SYT16: variants seen among roughly 807,000 people sequenced by gnomAD.
The protein encoded by SYT16 is synaptotagmin 16.
SYT16 carries 42 observed loss-of-function variants against 61.4 expected under a neutral mutation model. The observed-to-expected ratio is 0.68, with a 90% CI of 0.53 to 0.89. The LOEUF (loss-of-function observed/expected upper bound fraction) is 0.89, where lower values mean the gene tolerates loss of function less well. SYT16 is among the 40% of genes least tolerant of loss of function. The pLI, the probability that SYT16 is intolerant of heterozygous loss-of-function variation, is 0.00. For missense variants in SYT16, 804 were observed against 807.3 expected, an observed-to-expected ratio of 1.00 and a Z score of 0.05; for synonymous variants, 314 against 302.3, an observed-to-expected ratio of 1.04 and a Z score of -0.40.
chr14:61,894,036 C>A (rs1311632024), intron 1 of SYT16, among the ~76,000 whole-genome samples: 1 of 152,216 alleles, frequency 6.6e-6, no homozygotes, highest in Non-Finnish European at 1.5e-5. Flanking sequence ...GTAATCCCAG[C>A]ACTTTGGGAG....
chr14:61,997,135 G>A (rs2052802877), intron 3 of SYT16, among the ~76,000 whole-genome samples: 1 of 152,014 alleles, frequency 6.6e-6, no homozygotes, highest in Non-Finnish European at 1.5e-5. Flanking sequence ...CACATATTGG[G>A]CCTTCAATAA....
Position 62,054,387 on chromosome 14 carries a change from G to T in SYT16, c.524-15216G>T, listed in dbSNP as rs1156606892. On this transcript the variant is annotated intron_variant, in intron 3 of 7. Coordinates refer to ENST00000683842, the MANE Select transcript of SYT16 (RefSeq NM_001367656.1). ...TTTTTTTTTTTTTTTTGGAGATAGG[G>T]TCTCACCCTGTCATCCAGGCTGGAG... 3.2e-5 allele frequency among the ~76,000 whole-genome samples: 4 copies of T among 125,842 alleles called. 1 individual carries two copies. Among genetic ancestry groups the T allele is most frequent in the South Asian group, 4.6e-4 (2 of 4,322 alleles). 82.6% of individuals were successfully genotyped at this position (125,842 alleles called of 152,430 possible). A position where few individuals can be genotyped will look rare whatever the true frequency, so the allele number is the denominator to read the frequency against.
At chr14:62,061,146 G>A (rs1049952882) in intron 3 of SYT16, among the ~76,000 whole-genome samples, 1 of 152,100 alleles carries the variant, frequency 6.6e-6, no homozygotes, top group Non-Finnish European at 1.5e-5. Context: ...ATAATGCAAC[G>A]TGTAAATTTT....
At chr14:61,861,492 C>G (rs1471017314) in intron 1 of SYT16, among the ~76,000 whole-genome samples, 1 of 152,154 alleles carries the variant, frequency 6.6e-6, no homozygotes, top group African/African-American at 2.4e-5. Flanking sequence ...TCACTACAGC[C>G]TTGATCTCTT....
At chr14:62,054,958 C>T (rs187672025) in intron 3 of SYT16, among the ~76,000 whole-genome samples, 4 of 152,226 alleles carry the variant, frequency 2.6e-5, no homozygotes, top group African/African-American at 9.6e-5. Flanking sequence ...TTACACATCC[C>T]AGGCCCTTCA....
At chr14:61,886,880 C>CTTTTTTTTTTTTTTTTTTTTTTTTTTTT (rs371140698) in intron 1 of SYT16, among the ~76,000 whole-genome samples, 3 of 110,830 alleles carry the variant, frequency 2.7e-5, no homozygotes, top group Non-Finnish European at 3.6e-5. Context: ...TTTTTTTTGT[C>CTTTTTTTTTTTTTTTTTTTTTTTTTTTT]TTTTTTTTTT....
chr14:61,906,064 T>A (rs1308146857), intron 1 of SYT16, among the ~76,000 whole-genome samples: 1 of 152,206 alleles, frequency 6.6e-6, no homozygotes, highest in African/African-American at 2.4e-5. Flanking sequence ...CATGGACTTC[T>A]CTTATGTTAA....
intron 1 of SYT16, among the ~76,000 whole-genome samples, chr14:61,901,937 T>A (rs1267678711): frequency 1.3e-5 from 2 of 151,996 alleles, no homozygotes; most frequent in Non-Finnish European, 2.9e-5. Flanking sequence ...AATTTTTATA[T>A]TTTTAGTAGA....
At chr14:62,047,306 G>A (rs368218114) in intron 3 of SYT16, among the ~76,000 whole-genome samples, 12 of 152,036 alleles carry the variant, frequency 7.9e-5, no homozygotes, top group African/African-American at 2.7e-4. Context: ...AATGCTTGTG[G>A]TTTTTGCACA....
At chr14:61,903,129 A>T (rs1289706370) in intron 1 of SYT16, among the ~76,000 whole-genome samples, 1 of 152,168 alleles carries the variant, frequency 6.6e-6, no homozygotes. Context: ...TCTTCTTATA[A>T]GGACATCAGT....
intron 2 of SYT16, among the ~76,000 whole-genome samples, chr14:61,987,235 C>G (rs746979680): frequency 6.6e-6 from 1 of 151,972 alleles, no homozygotes; most frequent in African/African-American, 2.4e-5. Flanking sequence ...GGAGCCTGAG[C>G]AACTAAAAGG....
At chr14:62,069,106 T>C (rs1252407349) in intron 3 of SYT16, among the ~76,000 whole-genome samples, 3 of 152,026 alleles carry the variant, frequency 2.0e-5, no homozygotes, top group African/African-American at 7.3e-5. Flanking sequence ...GGGTCTCTTT[T>C]CAAAACTAGA....
intron 2 of SYT16, among the ~76,000 whole-genome samples, chr14:61,991,650 G>A (rs1051742060): frequency 6.6e-6 from 1 of 152,050 alleles, no homozygotes; most frequent in Non-Finnish European, 1.5e-5. Flanking sequence ...TTAGAATATA[G>A]CAACTGGACA....
In SYT16 at chr14:62,096,029, C is replaced by A. The variant is rs138207084; in HGVS notation, c.1625-4365C>A. On this transcript the variant is annotated intron_variant, in intron 7 of 7. Coordinates refer to ENST00000683842, the MANE Select transcript of SYT16 (RefSeq NM_001367656.1). ...GATAATGGATTATTTAATGAATAATCCTTCCCATATACAAAATTTAGATCC... is the reference window on the plus strand; with the variant it reads ...GATAATGGATTATTTAATGAATAATACTTCCCATATACAAAATTTAGATCC... 2.2e-3 allele frequency among the ~76,000 whole-genome samples: 336 copies of A among 151,980 alleles called. 4 individuals carry two copies. Among genetic ancestry groups the A allele is most frequent in the African/African-American group, 7.8e-3 (322 of 41,502 alleles).
intron 3 of SYT16, among the ~76,000 whole-genome samples, chr14:62,067,608 T>C (rs1177240291): frequency 6.6e-6 from 1 of 152,182 alleles, no homozygotes; most frequent in African/African-American, 2.4e-5. Context: ...AGACATCGTG[T>C]GTTGGTGAGG....
intron 1 of SYT16, among the ~76,000 whole-genome samples, chr14:61,906,065 C>G (rs550186088): frequency 1.3e-5 from 2 of 152,152 alleles, no homozygotes; most frequent in African/African-American, 4.8e-5. Context: ...ATGGACTTCT[C>G]TTATGTTAAG....
At chr14:62,082,126 C>T (rs933878869) in intron 6 of SYT16, among the ~76,000 whole-genome samples, 4 of 152,020 alleles carry the variant, frequency 2.6e-5, no homozygotes, top group Non-Finnish European at 2.9e-5. Context: ...ATCGAGAGAG[C>T]GAGGCTGGTG....
chr14:62,106,617 T>C lies in SYT16; in HGVS notation c.*5910T>C, dbSNP rs1054591935. 2.0e-5 allele frequency: 3 copies of C among 152,182 alleles called. No homozygotes were observed. The highest frequency in any genetic ancestry group is 4.4e-5 in the Non-Finnish European group (3 of 68,028). The allele number at this position is 152,182 out of a possible 1,614,324, so 9.4% of individuals were successfully genotyped here. On this transcript the variant is annotated 3_prime_UTR_variant, in exon 8 of 8. Coordinates refer to ENST00000683842, the MANE Select transcript of SYT16 (RefSeq NM_001367656.1). ...GCCTGTCTTCTTCCACTTTGGACAT[T>C]TTTTCCACATTGATTTTTCTCTGCA...
chr14:61,827,292 G>C (rs1228581663), intron 1 of SYT16, among the ~76,000 whole-genome samples: 6 of 152,238 alleles, frequency 3.9e-5, no homozygotes, highest in Middle Eastern at 6.8e-3. Context: ...ACCATTCTGG[G>C]ATTCTGCTGC....
Sources: gnomAD v4.1 joint callset for allele counts (sites outside exome capture counted in the v4.1 genomes callset) on GRCh38, gnomAD v4.1.1 for gene constraint, MANE v1.5 for transcripts, NCBI Gene and HGNC (gene_info 2026-07-23, HGNC 2026-07-21) for gene names.